Variants in DOCK7 observed in about 807,000 individuals in gnomAD.
DOCK7 encodes the protein dedicator of cytokinesis 7.
Under a neutral mutation model 271.0 loss-of-function variants are expected in DOCK7, and 138 were observed. That is an observed-to-expected ratio of 0.51 (90% CI 0.44 to 0.59). The LOEUF is 0.59. Ranked by LOEUF, DOCK7 falls within the 20% of genes least tolerant of loss-of-function variation. The pLI is 0.00. For synonymous variants in DOCK7, 823 were observed against 876.1 expected, an observed-to-expected ratio of 0.94 and a Z score of 1.07; for missense variants, 2,066 against 2,592.4, an observed-to-expected ratio of 0.80 and a Z score of 4.41.
chr1:62,656,790 G>A (rs1658068510), intron 2 of DOCK7, among the ~76,000 whole-genome samples: 1 of 151,984 alleles, frequency 6.6e-6, no homozygotes, highest in South Asian at 2.1e-4. Flanking sequence ...GAAGCCCTAG[G>A]GGTGGGAGGG....
At chr1:62,504,875 A>T (rs1422469064) in intron 36 of DOCK7, 93 bp from the exon 37 acceptor site, 12 of 1,399,260 alleles carry the variant, frequency 8.6e-6, no homozygotes, top group Non-Finnish European at 1.1e-5. Flanking sequence ...TTGTTAGTAT[A>T]GCCCAGAAAT....
chr1:62,685,414 C>G (rs1042054376), intron 1 of DOCK7, among the ~76,000 whole-genome samples: 2 of 152,186 alleles, frequency 1.3e-5, no homozygotes, highest in African/African-American at 4.8e-5. Context: ...TATTTGATAA[C>G]AAGGAAGAAC....
At chr1:62,595,648 G>A (rs1649122352) in intron 14 of DOCK7, among the ~76,000 whole-genome samples, 1 of 152,132 alleles carries the variant, frequency 6.6e-6, no homozygotes, top group Admixed American at 6.6e-5. Flanking sequence ...GAAATTTAGG[G>A]ACGAGCACAG....
chr1:62,639,080 A>G, intron 7 of DOCK7, among the ~76,000 whole-genome samples: 1 of 152,124 alleles, frequency 6.6e-6, no homozygotes, highest in Admixed American at 6.5e-5. Context: ...CCAGTGCTCT[A>G]GTTGTCTAAT....
intron 31 of DOCK7, among the ~76,000 whole-genome samples, chr1:62,524,953 A>ATATATATATATATATATATATATATG (rs1325570197): frequency 2.5e-5 from 3 of 119,418 alleles, no homozygotes; most frequent in Admixed American, 1.8e-4. Context: ...ATATATATAT[A>ATATATATATATATATATATATATATG]TATTACTATA....
intron 14 of DOCK7, among the ~76,000 whole-genome samples, chr1:62,614,784 C>T (rs985578874): frequency 7.2e-5 from 11 of 151,916 alleles, no homozygotes; most frequent in African/African-American, 2.6e-4. Flanking sequence ...TACAGTAAGT[C>T]CTCACCTAAT....
chr1:62,509,814 G>A (rs1413820435), intron 34 of DOCK7, among the ~76,000 whole-genome samples: 1 of 152,106 alleles, frequency 6.6e-6, no homozygotes, highest in Non-Finnish European at 1.5e-5. Flanking sequence ...AGAATCTTCT[G>A]AGGCTTGGGC....
At chr1:62,592,791 AACT>A (rs1175649102) in intron 14 of DOCK7, among the ~76,000 whole-genome samples, 1 of 152,166 alleles carries the variant, frequency 6.6e-6, no homozygotes, top group Non-Finnish European at 1.5e-5. Context: ...GGAAAAGAGG[AACT>A]CTCATATACT....
intron 43 of DOCK7, chr1:62,481,602 T>C (rs1189828150): frequency 6.6e-6 from 1 of 152,200 alleles, no homozygotes; most frequent in Admixed American, 6.5e-5. Flanking sequence ...TAGCATTACC[T>C]TTCTTTACTG....
chr1:62,550,196 A>C (rs79823486), intron 22 of DOCK7, among the ~76,000 whole-genome samples: 1 of 152,276 alleles, frequency 6.6e-6, no homozygotes, highest in Non-Finnish European at 1.5e-5. Context: ...GATGTGGAAG[A>C]GATATGGAAA....
intron 37 of DOCK7, among the ~76,000 whole-genome samples, chr1:62,502,439 A>G (rs1646810864): frequency 6.6e-6 from 1 of 152,212 alleles, no homozygotes; most frequent in African/African-American, 2.4e-5. Context: ...ACTTAATGTC[A>G]ATGCTGCTCA....
At chr1:62,523,065 TG>T (rs897460333) in intron 31 of DOCK7, among the ~76,000 whole-genome samples, 13 of 152,008 alleles carry the variant, frequency 8.6e-5, no homozygotes, top group African/African-American at 3.1e-4. Context: ...GCCTAAACAA[TG>T]GGGGGATTTG....
At chr1:62,540,331 G>A (rs1645488508) in intron 25 of DOCK7, among the ~76,000 whole-genome samples, 1 of 151,938 alleles carries the variant, frequency 6.6e-6, no homozygotes, top group Non-Finnish European at 1.5e-5. Flanking sequence ...ACACTACCAT[G>A]CCCAGCTAAT....
rs1334483911 is a variant in DOCK7, at chr1:62,505,751, G to A, written c.4542C>T (p.Ser1514=). ...AAACTGCACTTTGGTTACAGGCCATGCTGTGTAGTAGCACTTTTAGCACTC... is the reference window on the plus strand; with the variant it reads ...AAACTGCACTTTGGTTACAGGCCATACTGTGTAGTAGCACTTTTAGCACTC... ...LGGVLKVLLH[S]MACNQSAVYL... is the part of the protein sequence containing the mutation. Residue 1514 remains serine, a synonymous_variant, in exon 36 of 50, where the codon AGC becomes AGT. Transcript: ENST00000635253. The A allele has an allele frequency of 1.9e-6, 3 of 1,613,676 alleles. No individual in the cohort carries two copies. In the South Asian group the frequency reaches 3.3e-5, roughly 18 times the overall value.
chr1:62,528,753 G>C (rs1395653988), intron 30 of DOCK7, among the ~76,000 whole-genome samples: 1 of 152,140 alleles, frequency 6.6e-6, no homozygotes. Context: ...TTGCCCTAAA[G>C]AAAATATTGT....
intron 14 of DOCK7, 95 bp downstream of exon 14, chr1:62,618,611 A>G: frequency 8.7e-7 from 1 of 1,143,176 alleles, no homozygotes; most frequent in Non-Finnish European, 1.3e-6. Context: ...TAACAAAACT[A>G]CTTAAGATTT....
chr1:62,510,289 C>T (rs991198348), intron 34 of DOCK7, among the ~76,000 whole-genome samples: 1 of 152,116 alleles, frequency 6.6e-6, no homozygotes, highest in African/African-American at 2.4e-5. Context: ...TTCAATGTGA[C>T]ACCTAAAATA....
chr1:62,631,497 G>A, intron 10 of DOCK7, 92 bp from the exon 11 acceptor site: 1 of 1,145,994 alleles, frequency 8.7e-7, no homozygotes, highest in Non-Finnish European at 1.2e-6. Context: ...AGGATGAGAA[G>A]TCTCAATTCT....
intron 29 of DOCK7, among the ~76,000 whole-genome samples, chr1:62,535,068 G>A (rs1405500391): frequency 1.3e-5 from 2 of 152,058 alleles, no homozygotes; most frequent in Non-Finnish European, 2.9e-5. Flanking sequence ...CAGCCCGGGT[G>A]ACAGAGCAAG....
Sources: gnomAD v4.1 joint callset for allele counts (sites outside exome capture counted in the v4.1 genomes callset) on GRCh38, gnomAD v4.1.1 for gene constraint, MANE v1.5 for transcripts, NCBI Gene and HGNC (gene_info 2026-07-23, HGNC 2026-07-21) for gene names.